The following MRPS28 variants were observed in gnomAD, a reference collection of about 807,000 sequenced individuals.
MRPS28 encodes the protein small ribosomal subunit protein bS1m.
MRPS28 carries 7 observed loss-of-function variants against 10.8 expected under a neutral mutation model. The observed-to-expected ratio is 0.65, with a 90% CI of 0.37 to 1.22. The LOEUF (loss-of-function observed/expected upper bound fraction) is 1.22. MRPS28 is among the 50% of genes most tolerant of loss of function. MRPS28 has a pLI of 0.02. For synonymous variants in MRPS28, 121 were observed against 93.3 expected (o/e 1.30, Z -1.71); for missense variants, 265 against 232.9 (o/e 1.14, Z -0.90).
chr8:79,999,097 T>A (rs1325576156), intron 2 of MRPS28, among the ~76,000 whole-genome samples: 1 of 152,296 alleles, frequency 6.6e-6, no homozygotes, highest in Admixed American at 6.5e-5. Flanking sequence ...ATGAACAGAT[T>A]ATGTAAATAT....
chr8:79,919,870 C>T (rs528648953), intron 2 of MRPS28, among the ~76,000 whole-genome samples: 5 of 152,002 alleles, frequency 3.3e-5, no homozygotes, highest in Non-Finnish European at 5.9e-5. Flanking sequence ...CATATGTATA[C>T]ATGTGCCATG....
chr8:79,977,605 C>T (rs1215271968), intron 2 of MRPS28, among the ~76,000 whole-genome samples: 13 of 152,104 alleles, frequency 8.5e-5, no homozygotes, highest in African/African-American at 3.1e-4. Context: ...TCACTTGAGA[C>T]CAGGAGTTCG....
intron 1 of MRPS28, among the ~76,000 whole-genome samples, chr8:80,020,019 G>GT (rs1809311013): frequency 6.6e-6 from 1 of 152,188 alleles, no homozygotes; most frequent in Admixed American, 6.5e-5. Context: ...ATCAATACGT[G>GT]TAAGATGTAC....
intron 2 of MRPS28, among the ~76,000 whole-genome samples, chr8:79,959,133 A>C (rs1467255230): frequency 1.3e-5 from 2 of 152,076 alleles, no homozygotes; most frequent in African/African-American, 4.8e-5. Flanking sequence ...ACGTTATTTT[A>C]ACTGCAGTAA....
At chr8:79,969,838 A>G (rs1407621369) in intron 2 of MRPS28, among the ~76,000 whole-genome samples, 1 of 152,188 alleles carries the variant, frequency 6.6e-6, no homozygotes, top group African/African-American at 2.4e-5. Flanking sequence ...ATCTTCTGTA[A>G]TTTTCCGTTT....
At chr8:80,001,953 G>GC (rs779379054) in intron 2 of MRPS28, among the ~76,000 whole-genome samples, 5 of 151,988 alleles carry the variant, frequency 3.3e-5, no homozygotes, top group East Asian at 1.9e-4. Context: ...AGAAATTGGG[G>GC]CTTTTTTTTT....
At chr8:79,984,219 A>T (rs1808074219) in intron 2 of MRPS28, among the ~76,000 whole-genome samples, 1 of 152,240 alleles carries the variant, frequency 6.6e-6, no homozygotes, top group Middle Eastern at 3.2e-3. Flanking sequence ...CAGACTAGCA[A>T]ATGCTGAGAG....
chr8:79,981,611 C>G (rs923862940), intron 2 of MRPS28, among the ~76,000 whole-genome samples: 3 of 152,138 alleles, frequency 2.0e-5, no homozygotes, highest in Non-Finnish European at 4.4e-5. Context: ...TGAGGTAAGA[C>G]TAACTCTAGT....
intron 2 of MRPS28, among the ~76,000 whole-genome samples, chr8:79,921,312 T>A (rs967193788): frequency 2.6e-5 from 4 of 152,080 alleles, no homozygotes; most frequent in Non-Finnish European, 5.9e-5. Flanking sequence ...AATAGTTTTT[T>A]CCAATTCTGT....
At chr8:79,969,096 C>T (rs1807569004) in intron 2 of MRPS28, among the ~76,000 whole-genome samples, 1 of 152,186 alleles carries the variant, frequency 6.6e-6, no homozygotes, top group African/African-American at 2.4e-5. Flanking sequence ...AGAGTTATTC[C>T]TGTCCCTTAG....
chr8:80,008,223 T>C (rs1420555554), intron 1 of MRPS28, among the ~76,000 whole-genome samples: 10 of 152,194 alleles, frequency 6.6e-5, no homozygotes, highest in Non-Finnish European at 1.2e-4. Flanking sequence ...TAGCCATATG[T>C]AGAAAGCTGA....
rs1810036676 is a variant in MRPS28 at position 79,919,946 on chromosome 8, C to CTCCCCG, written c.396-799_396-798insCGGGGA. ...ATATCTCCTAATGCTATCCCTCCCCCCACCCCATAACAGGCCCCGGTGTGT... is the reference window on the plus strand; with the variant it reads ...ATATCTCCTAATGCTATCCCTCCCCCTCCCCGCACCCCATAACAGGCCCCGGTGTGT... On this transcript the variant is annotated intron_variant, in intron 2 of 2. Coordinates refer to ENST00000276585, the MANE Select transcript of MRPS28 (RefSeq NM_014018.3). 1.7e-5 allele frequency among the ~76,000 whole-genome samples: 2 copies of CTCCCCG among 119,028 alleles called. 1 individual carries two copies. The highest frequency in any genetic ancestry group is 3.4e-5 in the Non-Finnish European group (2 of 59,010). 78.1% of individuals were successfully genotyped at this position (119,028 alleles called of 152,430 possible). A position where few individuals can be genotyped will look rare whatever the true frequency, so the allele number is the denominator to read the frequency against.
At chr8:79,962,983 T>C (rs1262918493) in intron 2 of MRPS28, among the ~76,000 whole-genome samples, 1 of 152,064 alleles carries the variant, frequency 6.6e-6, no homozygotes, top group Admixed American at 6.6e-5. Context: ...CACAGACCTC[T>C]TGGAAACACT....
intron 1 of MRPS28, among the ~76,000 whole-genome samples, chr8:80,018,285 T>C (rs574094004): frequency 1.1e-5 from 1 of 88,430 alleles, no homozygotes; most frequent in Non-Finnish European, 1.9e-5. Context: ...GACAGAGCAA[T>C]ACTCTGTCTC....
At chr8:79,975,711 T>C (rs929981977) in intron 2 of MRPS28, among the ~76,000 whole-genome samples, 11 of 151,406 alleles carry the variant, frequency 7.3e-5, no homozygotes, top group Non-Finnish European at 1.5e-4. Flanking sequence ...ATTGGCAAGA[T>C]GAAAAAAAAA....
chr8:79,959,939 T>C (rs1807331120), intron 2 of MRPS28, among the ~76,000 whole-genome samples: 2 of 152,120 alleles, frequency 1.3e-5, no homozygotes, highest in African/African-American at 4.8e-5. Context: ...GGCTAAACAT[T>C]GATTTAAACG....
chr8:79,956,710 C>CGAA (rs1003815954), intron 2 of MRPS28: 16 of 152,214 alleles, frequency 1.1e-4, no homozygotes, highest in African/African-American at 3.9e-4. Flanking sequence ...TTATAGCTTC[C>CGAA]ACTTATAGGT....
chr8:80,002,585 T>C (rs746611554), intron 2 of MRPS28, among the ~76,000 whole-genome samples: 14 of 152,126 alleles, frequency 9.2e-5, no homozygotes, highest in Non-Finnish European at 1.9e-4. Context: ...ATGAACTCTA[T>C]TTATTAGGAA....
At chr8:79,958,498 A>G in intron 2 of MRPS28, 1 of 593,428 alleles carries the variant, frequency 1.7e-6, no homozygotes, top group Non-Finnish European at 3.0e-6. Flanking sequence ...AATAATTTTT[A>G]TTGCTAATTT....
Sources: gnomAD v4.1 joint callset for allele counts (sites outside exome capture counted in the v4.1 genomes callset) on GRCh38, gnomAD v4.1.1 for gene constraint, MANE v1.5 for transcripts, NCBI Gene and HGNC (gene_info 2026-07-23, HGNC 2026-07-21) for gene names.